The following GCN1 variants were observed in gnomAD, a reference collection of about 807,000 sequenced individuals.
GCN1 encodes stalled ribosome sensor GCN1.
GCN1 carries 90 observed loss-of-function variants against 288.4 expected under a neutral mutation model. The observed-to-expected ratio is 0.31, with a 90% CI of 0.26 to 0.37. The LOEUF (loss-of-function observed/expected upper bound fraction) is 0.37, where lower values mean the gene tolerates loss of function less well. Among genes scored for constraint, GCN1 ranks in the 10% least tolerant of loss-of-function variants. GCN1 has a pLI of 1.00. For synonymous variants in GCN1, 1,386 were observed against 1,420.2 expected (o/e 0.98, Z 0.54); for missense variants, 2,586 against 3,419.9 (o/e 0.76, Z 6.08).
Position 120,176,223 on chromosome 12 carries a change from G to T in GCN1, c.839-6C>A, listed in dbSNP as rs116132512. On this transcript the variant is annotated splice_region_variant and splice_polypyrimidine_tract_variant and intron_variant, in intron 9 of 57. Coordinates refer to ENST00000300648, the MANE Select transcript of GCN1 (RefSeq NM_006836.2). ...TGCCAGCAGACTAGAAATAGCTAAGGGGGACAGAAAGCACTGACCATGTCA... is the reference window on the plus strand; with the variant it reads ...TGCCAGCAGACTAGAAATAGCTAAGTGGGACAGAAAGCACTGACCATGTCA... 1.9e-6 allele frequency: 3 copies of T among 1,593,948 alleles called. No individual in the cohort carries two copies. Among genetic ancestry groups the T allele is most frequent in the South Asian group, 2.2e-5 (2 of 90,682 alleles).
intron 2 of GCN1, among the ~76,000 whole-genome samples, chr12:120,189,869 C>T (rs889460963): frequency 3.3e-5 from 5 of 152,142 alleles, no homozygotes; most frequent in African/African-American, 1.2e-4. Flanking sequence ...ATCCCAGCTA[C>T]TGGAGAGGCT....
chr12:120,165,826 C>T (rs1052063015), intron 16 of GCN1, among the ~76,000 whole-genome samples: 1 of 151,704 alleles, frequency 6.6e-6, no homozygotes, highest in African/African-American at 2.4e-5. Flanking sequence ...GAGTCTTGCT[C>T]TGTCACCCAG....
In GCN1 at chr12:120,144,809, C is replaced by G. The variant is rs577870189; in HGVS notation, c.5182G>C (p.Gly1728Arg). 10 of 1,614,198 alleles carry G rather than the reference C, an allele frequency of 6.2e-6. No homozygotes were observed. The highest frequency in any genetic ancestry group is 3.3e-5 in the South Asian group (3 of 91,076). The change falls in exon 41 of 58, where the codon GGG becomes CGG. Residue 1728 changes from glycine (G) to arginine (R), a missense_variant. By Grantham distance (125) the Gly-to-Arg change is moderately radical. Around this residue, in one of 8 missense-constraint regions of GCN1, gnomAD observed 371 missense variants for 572.6 expected, o/e 0.65. Coordinates refer to ENST00000300648, the MANE Select transcript of GCN1 (RefSeq NM_006836.2). This position sits in a 1 kb window ranked among gnomAD's most constrained non-coding sequence, Gnocchi z 4.7. ...ATCAACTTCTCCAACTTCTCCACCCCCAAACCGGCCATGACCTCAGCCAAC... is the reference window on the plus strand; with the variant it reads ...ATCAACTTCTCCAACTTCTCCACCCGCAAACCGGCCATGACCTCAGCCAAC... ...QGLAEVMAGL[G>R]VEKLEKLMPE...
intron 45 of GCN1, among the ~76,000 whole-genome samples, chr12:120,140,007 A>AGTTCTT (rs1877138794): frequency 1.3e-5 from 2 of 152,216 alleles, no homozygotes; most frequent in Non-Finnish European, 2.9e-5. Flanking sequence ...TGCAGACAAG[A>AGTTCTT]ACTCAGCCTC....
In GCN1 at chr12:120,174,135, T is replaced by G. The variant is rs759452208; in HGVS notation, c.1128A>C (p.Gly376=). Residue 376 remains glycine (G), a synonymous_variant, in exon 13 of 58, where the codon GGA becomes GGC. Coordinates refer to ENST00000300648, the MANE Select transcript of GCN1 (RefSeq NM_006836.2). ...IGSVSHHVVS[G]PSSQVLNGIV... ...TCCCATTCAGGACCTGACTGGAAGG[T>G]CCAGACACCACGTGATGACTGACGC... The G allele has an allele frequency of 6.2e-7, 1 of 1,607,160 alleles. No individual in the cohort carries two copies. Among genetic ancestry groups the G allele is most frequent in the Non-Finnish European group, 8.5e-7 (1 of 1,173,726 alleles).
At position 120,158,664 on chromosome 12, in the gene GCN1, G is replaced by C; in HGVS notation, c.2750-49C>G. On this transcript the variant is annotated intron_variant, in intron 24 of 57. Coordinates refer to ENST00000300648, the MANE Select transcript of GCN1 (RefSeq NM_006836.2). This position sits in a 1 kb window ranked among gnomAD's most constrained non-coding sequence, Gnocchi z 4.3. ...GCAGGAGATGACACACAGAGATGTGGAATCCAGCCCAGGCTAAAACAGGGG... is the reference window on the plus strand; with the variant it reads ...GCAGGAGATGACACACAGAGATGTGCAATCCAGCCCAGGCTAAAACAGGGG... 6.6e-7 allele frequency: 1 copy of C among 1,511,816 alleles called. No homozygotes were observed. Among genetic ancestry groups the C allele is most frequent in the Non-Finnish European group, 9.0e-7 (1 of 1,113,682 alleles). 93.7% of individuals were successfully genotyped at this position (1,511,816 alleles called of 1,614,324 possible).
Position 120,169,905 on chromosome 12 carries a change from A to G in GCN1, c.1519+264T>C, listed in dbSNP as rs1338955695. 2.6e-5 allele frequency among the ~76,000 whole-genome samples: 4 copies of G among 152,340 alleles called. No homozygotes were observed. In the East Asian group the frequency reaches 7.7e-4, roughly 29 times the overall value. Reference sequence around the variant, plus strand: ...TAACCAACTGAAACAAACAGTCCCAATACTAAACCCTGGTCCATCTAGGTA... The same window carrying G: ...TAACCAACTGAAACAAACAGTCCCAGTACTAAACCCTGGTCCATCTAGGTA... On this transcript the variant is annotated intron_variant, in intron 15 of 57. Transcript: ENST00000300648.
rs1365083169 is a variant in GCN1 at position 120,136,750 on chromosome 12, A to G, written c.6778-18T>C. 15 of 1,587,576 alleles carry G rather than the reference A, an allele frequency of 9.4e-6. No individual in the cohort carries two copies. Among genetic ancestry groups the G allele is most frequent in the Non-Finnish European group, 1.3e-5 (15 of 1,156,960 alleles). On this transcript the variant is annotated intron_variant, in intron 50 of 57. Transcript: ENST00000300648. ...GTCACTCCCTGACAAGAGAACCACA[A>G]CTGAGAGTCAAATCTCAAACACCCT...
rs1346097407 is a variant in GCN1, at chr12:120,140,812, A to G, written c.5994+47T>C. 5 of 1,572,044 alleles carry G rather than the reference A, an allele frequency of 3.2e-6. No homozygotes were observed. The African/African-American group carries it at 4.0e-5, about 13-fold the overall frequency. On this transcript the variant is annotated intron_variant, in intron 45 of 57. Coordinates refer to ENST00000300648, the MANE Select transcript of GCN1 (RefSeq NM_006836.2). ...GTAGCCCTCCCCCGCCCTCTGAGTC[A>G]GGTCGTCTGCAGTGCACAGCTGGCG...
At chr12:120,193,577 T>TTA in intron 1 of GCN1, among the ~76,000 whole-genome samples, 1 of 152,332 alleles carries the variant, frequency 6.6e-6, no homozygotes, top group East Asian at 1.9e-4. Context: ...AGTGCTGGGA[T>TTA]TACAGGGTGA....
At chr12:120,166,835 ACCC>A (rs1057193752) in intron 16 of GCN1, among the ~76,000 whole-genome samples, 2 of 151,080 alleles carry the variant, frequency 1.3e-5, no homozygotes, top group Non-Finnish European at 2.9e-5. Context: ...ACATGGTGAA[ACCC>A]CCGTCTCTTA....
chr12:120,160,230 T>C lies in GCN1; in HGVS notation c.2462A>G (p.Lys821Arg), dbSNP rs1013107778. The C allele has an allele frequency of 6.2e-7, 1 of 1,612,224 alleles. No homozygotes were observed. The highest frequency in any genetic ancestry group is 8.5e-7 in the Non-Finnish European group (1 of 1,179,740). Reference protein sequence around the residue: ...KEEIKKKKGIKEEVQLTSKQK... With the variant: ...KEEIKKKKGIREEVQLTSKQK... ...CTTGCTGGTCAGCTGCACCTCCTCT[T>C]TGATGCCTTTCTTCTTCTTTATCTC... Residue 821 changes from lysine to arginine, a missense_variant, in exon 23 of 58, where the codon AAA becomes AGA. Around this residue, in one of 8 missense-constraint regions of GCN1, gnomAD observed 913 missense variants for 1,107.0 expected, o/e 0.82. Coordinates refer to ENST00000300648, the MANE Select transcript of GCN1 (RefSeq NM_006836.2).
intron 44 of GCN1, 144 bp from the exon 45 acceptor site, chr12:120,141,167 G>A (rs1278299116): frequency 1.4e-6 from 1 of 692,526 alleles, no homozygotes; most frequent in African/African-American, 1.8e-5. Context: ...TACCCCTAAA[G>A]AGCCCCCAAA....
intron 51 of GCN1, among the ~76,000 whole-genome samples, chr12:120,135,092 A>T (rs1224962525): frequency 6.6e-6 from 1 of 152,226 alleles, no homozygotes; most frequent in African/African-American, 2.4e-5. Context: ...GACTATCGGC[A>T]GTACTGAAGC....
chr12:120,184,150 C>A lies in GCN1; in HGVS notation c.279G>T (p.Leu93=). 1.9e-6 allele frequency: 3 copies of A among 1,613,960 alleles called. No individual in the cohort carries two copies. Among genetic ancestry groups the A allele is most frequent in the Non-Finnish European group, 2.5e-6 (3 of 1,179,876 alleles). Reference sequence around the variant, plus strand: ...CTTTGGAGCCTATACCAGAAGACTGCAGAGAGTGTAGAAGGTTCTTAGCAG... The same window carrying A: ...CTTTGGAGCCTATACCAGAAGACTGAAGAGAGTGTAGAAGGTTCTTAGCAG... The part of the protein sequence containing the change: ...EATAKNLLHS[L]QSSGIGSKAG... Residue 93 remains leucine, a synonymous_variant, in exon 4 of 58, where the codon CTG becomes CTT. Transcript: ENST00000300648.
rs185994743 is a variant in GCN1, at chr12:120,185,394, G to A, written c.122-507C>T. Among the ~76,000 whole-genome samples, 24 of 152,352 alleles carry A rather than the reference G, an allele frequency of 1.6e-4. No individual in the cohort carries two copies. In the East Asian group the frequency reaches 4.2e-3, roughly 27 times the overall value. ...CACATAAGCTTGGCCTATCAGATTA[G>A]TAGGCTCTGGAAAAATGGAAAGAGA... On this transcript the variant is annotated intron_variant, in intron 2 of 57. Coordinates refer to ENST00000300648, the MANE Select transcript of GCN1 (RefSeq NM_006836.2).
At chr12:120,149,101 G>GT (rs960833176) in intron 36 of GCN1, among the ~76,000 whole-genome samples, 1 of 151,866 alleles carries the variant, frequency 6.6e-6, no homozygotes, top group African/African-American at 2.4e-5. Flanking sequence ...CTTTCCTGGG[G>GT]GGGGAAAACT....
Position 120,190,351 on chromosome 12 carries a change from A to G in GCN1, c.68T>C (p.Val23Ala), listed in dbSNP as rs754237947. 6.2e-7 allele frequency: 1 copy of G among 1,611,554 alleles called. No homozygotes were observed. The highest frequency in any genetic ancestry group is 1.7e-5 in the Admixed American group (1 of 60,016). ...RFAGKVTTAS[V>A]KERREILSEL... ...ACTGAGGATTTCTCTCCGTTCCTTT[A>G]CACTGGCTGTTGTCACCTTCCCTGC... Residue 23 changes from valine (V) to alanine (A), a missense_variant, in exon 2 of 58, where the codon GTA becomes GCA. By Grantham distance (64) the Val-to-Ala change is moderately conservative. Transcript: ENST00000300648.
chr12:120,149,628 C>T lies in GCN1; in HGVS notation c.4524G>A (p.Glu1508=), dbSNP rs988731927. ...VLPSLLAALE[E]ESWRTKAGSV... is the part of the protein sequence containing the mutation. ...TACCAGCTTTGGTCCGCCACGATTC[C>T]TCCTCCAGGGCAGCCAGTAAGGAGG... Residue 1508 remains glutamate (E), a synonymous_variant, in exon 36 of 58, where the codon GAG becomes GAA. Coordinates refer to ENST00000300648, the MANE Select transcript of GCN1 (RefSeq NM_006836.2). 2.5e-6 allele frequency: 4 copies of T among 1,613,468 alleles called. No homozygotes were observed. The African/African-American group carries it at 5.3e-5, about 22-fold the overall frequency.
Sources: gnomAD v4.1 joint callset for allele counts (sites outside exome capture counted in the v4.1 genomes callset) on GRCh38, gnomAD v4.1.1 for gene constraint, gnomAD v4.1.1 regional missense constraint, Gnocchi (gnomAD v3.1) non-coding constraint, MANE v1.5 for transcripts, NCBI Gene and HGNC (gene_info 2026-07-23, HGNC 2026-07-21) for gene names.